Variants in PTPRT observed in about 807,000 individuals in gnomAD.
The protein encoded by PTPRT is protein tyrosine phosphatase receptor type T, also known as receptor-type tyrosine-protein phosphatase T.
PTPRT carries 56 observed loss-of-function variants against 176.8 expected under a neutral mutation model. The observed-to-expected ratio is 0.32, with a 90% CI of 0.26 to 0.40. The LOEUF (loss-of-function observed/expected upper bound fraction) is 0.40, where lower values mean the gene tolerates loss of function less well. Ranked by LOEUF, PTPRT falls within the 10% of genes least tolerant of loss-of-function variation. The pLI is 1.00. For synonymous variants in PTPRT, 783 were observed against 739.0 expected (o/e 1.06, Z -0.96); for missense variants, 1,540 against 1,908.2 (o/e 0.81, Z 3.60).
chr20:42,941,525 T>C (rs1980550596), intron 1 of PTPRT, among the ~76,000 whole-genome samples: 1 of 152,222 alleles, frequency 6.6e-6, no homozygotes, highest in Non-Finnish European at 1.5e-5. Context: ...ATTTTCCTGT[T>C]CACCGTTTCA....
chr20:42,886,267 T>C (rs955454230), intron 1 of PTPRT, among the ~76,000 whole-genome samples: 3 of 152,188 alleles, frequency 2.0e-5, no homozygotes, highest in Non-Finnish European at 4.4e-5. Flanking sequence ...GTAATTGCTT[T>C]GTGCAGCACG....
intron 7 of PTPRT, among the ~76,000 whole-genome samples, chr20:42,643,459 C>T (rs1446559205): frequency 6.6e-6 from 1 of 151,948 alleles, no homozygotes; most frequent in Non-Finnish European, 1.5e-5. Flanking sequence ...GTAGCTAGGA[C>T]TACAGGTACA....
intron 2 of PTPRT, among the ~76,000 whole-genome samples, chr20:42,793,169 C>G (rs563503737): frequency 6.6e-6 from 1 of 152,244 alleles, no homozygotes; most frequent in South Asian, 2.1e-4. Context: ...AGGTTTTCGC[C>G]ATCCTACCAA....
At chr20:42,389,874 G>T (rs957267745) in intron 9 of PTPRT, among the ~76,000 whole-genome samples, 2 of 145,310 alleles carry the variant, frequency 1.4e-5, no homozygotes, top group Non-Finnish European at 3.0e-5. Context: ...AAAAAAGAAA[G>T]AAAGCCTTGA....
intron 7 of PTPRT, among the ~76,000 whole-genome samples, chr20:42,526,004 T>C (rs1601193101): frequency 6.6e-6 from 1 of 151,660 alleles, no homozygotes; most frequent in Non-Finnish European, 1.5e-5. Context: ...TTAATGTTAC[T>C]ATGGAGAGTG....
chr20:42,820,094 C>T (rs1232919308), intron 2 of PTPRT, among the ~76,000 whole-genome samples: 1 of 152,158 alleles, frequency 6.6e-6, no homozygotes, highest in Non-Finnish European at 1.5e-5. Context: ...GAATTCTCTA[C>T]ACCAAAATCA....
chr20:42,613,293 C>T (rs2074006011), intron 7 of PTPRT, among the ~76,000 whole-genome samples: 1 of 152,212 alleles, frequency 6.6e-6, no homozygotes, highest in Admixed American at 6.5e-5. Flanking sequence ...ATCACAGTAA[C>T]TTTTGAAACC....
At chr20:42,927,962 C>G (rs1479390094) in intron 1 of PTPRT, among the ~76,000 whole-genome samples, 1 of 152,214 alleles carries the variant, frequency 6.6e-6, no homozygotes, top group Non-Finnish European at 1.5e-5. Flanking sequence ...GGATCTATAC[C>G]CATGCAGCCC....
intron 21 of PTPRT, among the ~76,000 whole-genome samples, chr20:42,115,709 GGACT>G (rs1215503390): frequency 4.6e-5 from 7 of 152,202 alleles, no homozygotes; most frequent in African/African-American, 1.7e-4. Flanking sequence ...GCCAGTTTGG[GGACT>G]GACTGAGTCC....
At chr20:43,051,797 T>C (rs2146234173) in intron 1 of PTPRT, among the ~76,000 whole-genome samples, 1 of 152,116 alleles carries the variant, frequency 6.6e-6, no homozygotes, top group South Asian at 2.1e-4. Context: ...AACTAAACCG[T>C]TAAAGGAAAA....
chr20:43,037,141 A>T (rs1240372801), intron 1 of PTPRT, among the ~76,000 whole-genome samples: 1 of 152,246 alleles, frequency 6.6e-6, no homozygotes, highest in East Asian at 1.9e-4. Context: ...CTGGTGACAC[A>T]ACAATGAATT....
intron 2 of PTPRT, among the ~76,000 whole-genome samples, chr20:42,813,460 T>A (rs771067666): frequency 6.6e-6 from 1 of 151,848 alleles, no homozygotes; most frequent in Non-Finnish European, 1.5e-5. Context: ...TCCTTGTTTC[T>A]TTTCTCTTCC....
chr20:42,561,775 C>A (rs151114753), intron 7 of PTPRT, among the ~76,000 whole-genome samples: 1 of 152,172 alleles, frequency 6.6e-6, no homozygotes, highest in Non-Finnish European at 1.5e-5. Flanking sequence ...CACACTGACA[C>A]GCACCGCTGA....
chr20:42,118,565 TC>T (rs1040696690), intron 20 of PTPRT, 65 bp from the exon 21 acceptor site: 4 of 1,440,412 alleles, frequency 2.8e-6, no homozygotes, highest in African/African-American at 1.4e-5. Flanking sequence ...AGAAGGTTTG[TC>T]CCCCCGGTTG....
At chr20:42,394,510 C>T (rs1337259622) in intron 9 of PTPRT, among the ~76,000 whole-genome samples, 1 of 152,192 alleles carries the variant, frequency 6.6e-6, no homozygotes, top group African/African-American at 2.4e-5. Flanking sequence ...AGCCTAAAGA[C>T]AAAGCCCACA....
chr20:42,563,398 T>C (rs2072985069), intron 7 of PTPRT, among the ~76,000 whole-genome samples: 1 of 152,214 alleles, frequency 6.6e-6, no homozygotes, highest in African/African-American at 2.4e-5. Flanking sequence ...AGACCTCTCA[T>C]ATGCTCTTGG....
At chr20:43,143,511 A>C (rs1333317900) in intron 1 of PTPRT, among the ~76,000 whole-genome samples, 2 of 152,232 alleles carry the variant, frequency 1.3e-5, no homozygotes, top group Non-Finnish European at 2.9e-5. Context: ...GAAGAGGTTT[A>C]CACAGGTAAG....
intron 21 of PTPRT, among the ~76,000 whole-genome samples, chr20:42,118,090 C>CAAGAGCAGAAGAAGAAG (rs1987387960): frequency 6.6e-6 from 1 of 152,110 alleles, no homozygotes; most frequent in South Asian, 2.1e-4. Flanking sequence ...AGGAGAAGAA[C>CAAGAGCAGAAGAAGAAG]AAGAGGACAG....
chr20:42,583,977 A>C (rs952401955), intron 7 of PTPRT, among the ~76,000 whole-genome samples: 3 of 152,170 alleles, frequency 2.0e-5, no homozygotes, highest in African/African-American at 7.2e-5. Context: ...ACCATGGTGG[A>C]GAGTGCATAT....
Sources: gnomAD v4.1 joint callset for allele counts (sites outside exome capture counted in the v4.1 genomes callset) on GRCh38, gnomAD v4.1.1 for gene constraint, MANE v1.5 for transcripts, NCBI Gene and HGNC (gene_info 2026-07-23, HGNC 2026-07-21) for gene names.